TTC23L: variants seen among roughly 807,000 people sequenced by gnomAD.
The protein encoded by TTC23L is tetratricopeptide repeat domain 23 like.
A neutral mutation model predicts 48.1 loss-of-function variants in TTC23L; 42 were observed. The ratio of observed to expected loss-of-function variants is 0.87; its 90% CI spans 0.68 to 1.13. The LOEUF (loss-of-function observed/expected upper bound fraction) is 1.13, where lower values mean the gene tolerates loss of function less well. Ranked by LOEUF, TTC23L falls within the 50% of genes most tolerant of loss-of-function variation. The probability of loss-of-function intolerance (pLI) is 0.00; values close to 1 mark genes in which losing one functional copy is unlikely to be tolerated. For synonymous variants in TTC23L, 159 were observed against 157.2 expected (o/e 1.01, Z -0.09); for missense variants, 391 against 421.0 (o/e 0.93, Z 0.62).
chr5:34,876,780 T>A (rs1761862136), intron 8 of TTC23L, among the ~76,000 whole-genome samples: 2 of 148,152 alleles, frequency 1.3e-5, no homozygotes, highest in Non-Finnish European at 3.0e-5. Flanking sequence ...AAGAAAACTA[T>A]AGATCAGTGA....
In TTC23L at chr5:34,850,314, T is replaced by C. The variant is rs1461179368; in HGVS notation, c.379+6T>C. ...TGGCTACTTGACACTGAGAGGTACT[T>C]GGTTTTCCCAGCTGGGTTTGGGTGG... On this transcript the variant is annotated splice_donor_region_variant and intron_variant, in intron 4 of 10. Coordinates refer to ENST00000505624, the Ensembl canonical transcript of TTC23L. 1 of 1,613,250 alleles carries C rather than the reference T, an allele frequency of 6.2e-7. No individual in the cohort carries two copies. Among genetic ancestry groups the C allele is most frequent in the African/African-American group, 1.3e-5 (1 of 74,874 alleles).
Position 34,859,847 on chromosome 5 carries a change from T to C in TTC23L, c.380-3051T>C, listed in dbSNP as rs1444232855. Among the ~76,000 whole-genome samples, 62 of 138,634 alleles carry C rather than the reference T, an allele frequency of 4.5e-4. 1 individual carries two copies. Among genetic ancestry groups the C allele is most frequent in the African/African-American group, 1.2e-3 (46 of 37,892 alleles). The allele number at this position is 138,634 out of a possible 152,430, so 90.9% of individuals were successfully genotyped here. On this transcript the variant is annotated intron_variant, in intron 4 of 10. Coordinates refer to ENST00000505624, the Ensembl canonical transcript of TTC23L. ...TTCTTTTCTTTTCTTCTTCTTTTTTTTTTTTTTTTTTTTTGAGACGGAATC... is the reference window on the plus strand; with the variant it reads ...TTCTTTTCTTTTCTTCTTCTTTTTTCTTTTTTTTTTTTTTGAGACGGAATC...
At chr5:34,913,395 G>T in the TTC23L span, 1 of 815,582 alleles carries the variant, frequency 1.2e-6, no homozygotes, top group Non-Finnish European at 1.8e-6. Context: ...CAATGTTTAT[G>T]TTCCAAATAA....
intron 8 of TTC23L, chr5:34,869,347 T>C: frequency 4.6e-6 from 1 of 218,300 alleles, no homozygotes; most frequent in Admixed American, 5.0e-5. Flanking sequence ...CAGTGATAAA[T>C]GGGTAGAGCT....
At chr5:34,908,629 A>G in the TTC23L span, 1 of 716,918 alleles carries the variant, frequency 1.4e-6, no homozygotes. Context: ...ATTAGGGTAC[A>G]TGACCTTGCT....
At chr5:34,868,760 T>A (rs1761237198) in intron 7 of TTC23L, 145 bp from the exon 8 acceptor site, 3 of 674,222 alleles carry the variant, frequency 4.4e-6, no homozygotes, top group Non-Finnish European at 7.9e-6. Context: ...AATTATATAT[T>A]CCTTCTACGA....
intron 3 of TTC23L, 169 bp downstream of exon 3, chr5:34,845,842 T>A (rs1164827252): frequency 1.5e-6 from 1 of 651,538 alleles, no homozygotes; most frequent in African/African-American, 1.8e-5. Flanking sequence ...CAGCCCACCT[T>A]CTGGTTCCAT....
intron 4 of TTC23L, among the ~76,000 whole-genome samples, chr5:34,858,235 A>G (rs1438239900): frequency 6.6e-6 from 1 of 152,198 alleles, no homozygotes; most frequent in Admixed American, 6.6e-5. Flanking sequence ...GGGCAGATAC[A>G]GAAAAGTAAC....
intron 2 of TTC23L, among the ~76,000 whole-genome samples, chr5:34,844,016 G>A (rs1469768577): frequency 6.6e-6 from 1 of 152,202 alleles, no homozygotes; most frequent in Non-Finnish European, 1.5e-5. Flanking sequence ...CAGTTTGGGG[G>A]AAATTTTTGA....
chr5:34,914,663 T>C, the TTC23L span: 8 of 1,604,774 alleles, frequency 5.0e-6, no homozygotes, highest in Admixed American at 8.3e-5. Context: ...AGAGTATCTA[T>C]GGCACAGGCT....
At chr5:34,867,569 GA>G (rs1434218886) in intron 7 of TTC23L, 1 of 162,874 alleles carries the variant, frequency 6.1e-6, no homozygotes, top group Non-Finnish European at 1.3e-5. Context: ...ATGCCCGGGG[GA>G]AAACAAAACA....
the TTC23L span, chr5:34,925,460 A>G: frequency 6.2e-7 from 1 of 1,613,894 alleles, no homozygotes; most frequent in African/African-American, 1.3e-5. Flanking sequence ...GCAAAGAAAA[A>G]TGAAACAGAG....
At chr5:34,921,129 C>A in the TTC23L span, 1 of 152,144 alleles carries the variant, frequency 6.6e-6, no homozygotes, top group African/African-American at 2.4e-5. Flanking sequence ...GCATGAGCCA[C>A]CTCATCCAGC....
chr5:34,902,704 C>A (rs1763538499), downstream of TTC23L, among the ~76,000 whole-genome samples: 1 of 152,094 alleles, frequency 6.6e-6, no homozygotes, highest in South Asian at 2.1e-4. Flanking sequence ...CCGACTAACT[C>A]CCAGGATGCT....
intron 8 of TTC23L, among the ~76,000 whole-genome samples, chr5:34,873,092 C>A (rs1168772583): frequency 5.9e-5 from 9 of 151,604 alleles, no homozygotes; most frequent in Admixed American, 3.9e-4. Context: ...AAAAAAGGAC[C>A]GGACTATATC....
intron 3 of TTC23L, among the ~76,000 whole-genome samples, chr5:34,847,851 G>A (rs761629040): frequency 1.4e-4 from 22 of 152,184 alleles, no homozygotes; most frequent in Non-Finnish European, 3.2e-4. Context: ...AAAACATGAA[G>A]TTGGGTAGGA....
In TTC23L at chr5:34,878,512, T is replaced by G. The variant is rs1205681663; in HGVS notation, c.950-1669T>G. 3.9e-5 allele frequency among the ~76,000 whole-genome samples: 6 copies of G among 152,200 alleles called. No individual in the cohort carries two copies. In the South Asian group the frequency reaches 1.2e-3, roughly 31 times the overall value. Reference sequence around the variant, plus strand: ...AGTTATTTTTTGGATATTAGCAAATTGATTCTGAAGTTTACATGGAGAGGC... The same window carrying G: ...AGTTATTTTTTGGATATTAGCAAATGGATTCTGAAGTTTACATGGAGAGGC... On this transcript the variant is annotated intron_variant, in intron 8 of 10. Coordinates refer to ENST00000505624, the Ensembl canonical transcript of TTC23L.
At chr5:34,868,838 T>C (rs1761242515) in intron 7 of TTC23L, 67 bp from the exon 8 acceptor site, 5 of 1,395,298 alleles carry the variant, frequency 3.6e-6, no homozygotes, top group Non-Finnish European at 5.0e-6. Context: ...CAAACTCACC[T>C]CTCATCTAAA....
chr5:34,878,904 G>A (rs928204833), intron 8 of TTC23L, among the ~76,000 whole-genome samples: 4 of 152,178 alleles, frequency 2.6e-5, no homozygotes, highest in East Asian at 3.8e-4. Flanking sequence ...TATGTTTATC[G>A]TAGCACTATT....
Sources: allele counts gnomAD v4.1 joint callset (sites outside exome capture counted in the v4.1 genomes callset), GRCh38; gene constraint gnomAD v4.1.1; transcripts MANE v1.5; gene names NCBI Gene and HGNC (gene_info 2026-07-23, HGNC 2026-07-21).